PSG2: variants seen among roughly 807,000 people sequenced by gnomAD.
PSG2 encodes the protein pregnancy-specific beta-1-glycoprotein 2.
A neutral mutation model predicts 36.2 loss-of-function variants in PSG2; 49 were observed. The ratio of observed to expected loss-of-function variants is 1.35; its 90% confidence interval spans 1.08 to 1.72. PSG2 has a LOEUF of 1.72. PSG2 is among the 40% of genes most tolerant of loss of function. The pLI, the probability that PSG2 is intolerant of heterozygous loss-of-function variation, is 0.00. For missense variants in PSG2, 605 were observed against 407.2 expected, an observed-to-expected ratio of 1.49 and a Z score of -4.18; for synonymous variants, 261 against 155.6, an observed-to-expected ratio of 1.68 and a Z score of -5.04.
intron 4 of PSG2, among the ~76,000 whole-genome samples, chr19:43,069,853 CAA>C (rs1244780282): frequency 6.6e-6 from 1 of 151,650 alleles, no homozygotes; most frequent in Non-Finnish European, 1.5e-5. Context: ...TCATAAAAAT[CAA>C]AACCTTTTAC....
Position 43,082,682 on chromosome 19 carries a change from C to T in PSG2, c.-113G>A, listed in dbSNP as rs1291098112. ...TCCTCCTTCTGCACTGAGCCTCTTC[C>T]TGGGGCAGCAGCAATTCCCAGGCTC... is the stretch of plus-strand genomic sequence containing the variant. On this transcript the variant is annotated 5_prime_UTR_variant, in exon 1 of 6. Coordinates refer to ENST00000406487, the MANE Select transcript of PSG2 (RefSeq NM_031246.4). 7 of 1,508,664 alleles carry T rather than the reference C, an allele frequency of 4.6e-6. No individual in the cohort carries two copies. The Admixed American group carries it at 7.7e-5, about 17-fold the overall frequency. The allele number at this position is 1,508,664 out of a possible 1,614,324, so 93.5% of individuals were successfully genotyped here. A position where few individuals can be genotyped will look rare whatever the true frequency, so the allele number is the denominator to read the frequency against.
In PSG2 at chr19:43,066,440, G is replaced by T. The variant is rs539414700; in HGVS notation, c.*40+77C>A. The stretch of plus-strand genomic sequence containing the variant: ...GGAGGAGATGCAGTCCCAGATACAG[G>T]CAAATAAGTCTTTTCCCTCTCCCAA... On this transcript the variant is annotated intron_variant, in intron 5 of 5. Coordinates refer to ENST00000406487, the MANE Select transcript of PSG2 (RefSeq NM_031246.4). 866 of 1,075,128 alleles carry T rather than the reference G, an allele frequency of 8.1e-4. 9 individuals carry two copies. Among genetic ancestry groups the T allele is most frequent in the South Asian group, 1.4e-3 (115 of 79,890 alleles). 66.6% of individuals were successfully genotyped at this position (1,075,128 alleles called of 1,614,324 possible). A position where few individuals can be genotyped will look rare whatever the true frequency, so the allele number is the denominator to read the frequency against.
intron 4 of PSG2, among the ~76,000 whole-genome samples, chr19:43,069,320 C>G (rs753417036): frequency 6.6e-6 from 1 of 151,594 alleles, no homozygotes; most frequent in Non-Finnish European, 1.5e-5. Flanking sequence ...CAATTCCTAT[C>G]AATCAGAATC....
chr19:43,082,207 C>G (rs1228003752), intron 1 of PSG2: 2 of 271,750 alleles, frequency 7.4e-6, no homozygotes, highest in East Asian at 1.0e-4. Context: ...GTGGCGCTAT[C>G]TCGGCACGCT....
intron 2 of PSG2, among the ~76,000 whole-genome samples, chr19:43,079,266 G>C (rs751263020): frequency 2.0e-5 from 3 of 151,432 alleles, no homozygotes; most frequent in Admixed American, 1.3e-4. Context: ...GCTGCCCCCA[G>C]TTCCACAGTC....
Position 43,075,634 on chromosome 19 carries a change from T to C in PSG2, c.431-2A>G. 10 of 1,610,576 alleles carry C rather than the reference T, an allele frequency of 6.2e-6. No individual in the cohort carries two copies. Among genetic ancestry groups the C allele is most frequent in the Non-Finnish European group, 7.6e-6 (9 of 1,178,414 alleles). On this transcript the variant is annotated splice_acceptor_variant, in intron 2 of 5. Transcript: ENST00000406487. LOFTEE classifies it high-confidence loss of function. ...AGATGGAGGGCTTGGGAGTCTCCAC[T>C]GTGCAGAAAACAGAGAGAAGATTGC...
At chr19:43,074,743 T>C (rs149989107) in intron 3 of PSG2, among the ~76,000 whole-genome samples, 3,082 of 151,846 alleles carry the variant, frequency 0.02, 137 homozygotes, top group East Asian at 0.095. Flanking sequence ...GTTCCAGCAG[T>C]GGCTGAGTTA....
rs553327315 is a variant in PSG2, at chr19:43,081,270, A to T, written c.65-24T>A. ...TGCTAGGAGGTGGAGAGAGCATCAG[A>T]CAATATTGAGACCTATGTATTGGGG... On this transcript the variant is annotated intron_variant, in intron 1 of 5. Transcript: ENST00000406487. The T allele has an allele frequency of 3.3e-5, 53 of 1,604,652 alleles. 2 individuals are homozygous for T. Among genetic ancestry groups the T allele is most frequent in the African/African-American group, 1.8e-4 (13 of 73,770 alleles).
At chr19:43,081,428 A>ATG (rs1277878015) in intron 1 of PSG2, among the ~76,000 whole-genome samples, 182 bp from the exon 2 acceptor site, 2 of 145,756 alleles carry the variant, frequency 1.4e-5, no homozygotes, top group East Asian at 4.0e-4. Context: ...GTATGTGTGT[A>ATG]TGTGTGTGTG....
At chr19:43,072,765 A>G in intron 3 of PSG2, 1 of 1,482,366 alleles carries the variant, frequency 6.7e-7, no homozygotes, top group Non-Finnish European at 9.1e-7. Context: ...TGTGTGTGTC[A>G]CAAGACAGAT....
rs762614620 is a variant in PSG2 at position 43,075,395 on chromosome 19, C to T, written c.668G>A (p.Gly223Glu). The change falls in exon 3 of 6, where the codon GGG (glycine) becomes GAG (glutamate). Residue 223 changes from glycine (G) to glutamate (E), a missense_variant. Gly to Glu is a moderately conservative substitution (Grantham distance 98). Coordinates refer to ENST00000406487, the MANE Select transcript of PSG2 (RefSeq NM_031246.4). Reference sequence around the variant, plus strand: ...GACTGGGTCACTGCGGCTGGCACTCCCTGAGTTCCGTATTTCACATTCATA... The same window carrying T: ...GACTGGGTCACTGCGGCTGGCACTCTCTGAGTTCCGTATTTCACATTCATA... ...GPYECEIRNSGSASRSDPVTL... is the reference protein window; with the variant it reads ...GPYECEIRNSESASRSDPVTL... The T allele has an allele frequency of 1.9e-6, 3 of 1,612,964 alleles. No homozygotes were observed. Among genetic ancestry groups the T allele is most frequent in the Admixed American group, 1.7e-5 (1 of 59,930 alleles).
At position 43,081,085 on chromosome 19, in the gene PSG2, A is replaced by G; in HGVS notation, c.226T>C (p.Tyr76His). 1 of 1,612,958 alleles carries G rather than the reference A, an allele frequency of 6.2e-7. No individual in the cohort carries two copies. Among genetic ancestry groups the G allele is most frequent in the Non-Finnish European group, 8.5e-7 (1 of 1,179,704 alleles). ...IWYKGQIRDLYHYITSYVVDG... is the reference protein window; with the variant it reads ...IWYKGQIRDLHHYITSYVVDG... ...ACTACATATGATGTAATGTAATGGT[A>G]GAGGTCCCTGATTTGCCCTTTGTAC... Residue 76 changes from tyrosine (Y) to histidine (H), a missense_variant, in exon 2 of 6, where the codon TAC becomes CAC. Coordinates refer to ENST00000406487, the MANE Select transcript of PSG2 (RefSeq NM_031246.4).
intron 4 of PSG2, among the ~76,000 whole-genome samples, chr19:43,069,725 G>T (rs1967790146): frequency 6.6e-6 from 1 of 151,636 alleles, no homozygotes; most frequent in Admixed American, 6.6e-5. Flanking sequence ...AGATCTAAAT[G>T]TAAGAGCAAA....
chr19:43,070,946 T>C (rs1387109528), intron 4 of PSG2, among the ~76,000 whole-genome samples: 2 of 151,684 alleles, frequency 1.3e-5, no homozygotes, highest in Non-Finnish European at 2.9e-5. Flanking sequence ...TTTCTCTAGC[T>C]CTGCATCAGT....
At chr19:43,078,652 G>A (rs1277271738) in intron 2 of PSG2, among the ~76,000 whole-genome samples, 2 of 151,556 alleles carry the variant, frequency 1.3e-5, no homozygotes, top group African/African-American at 4.9e-5. Flanking sequence ...CTGTGCCCCT[G>A]AAACTATCCT....
At chr19:43,071,107 T>C (rs1341161322) in intron 4 of PSG2, among the ~76,000 whole-genome samples, 1 of 151,456 alleles carries the variant, frequency 6.6e-6, no homozygotes, top group East Asian at 1.9e-4. Flanking sequence ...TGGCTTCAAC[T>C]GGCAGCTCCA....
chr19:43,081,290 T>C (rs747614639), intron 1 of PSG2, 44 bp from the exon 2 acceptor site: 2 of 1,582,850 alleles, frequency 1.3e-6, no homozygotes, highest in South Asian at 1.2e-5. Flanking sequence ...GACCTATGTA[T>C]TGGGGTGAAA....
chr19:43,081,365 A>G lies in PSG2; in HGVS notation c.65-119T>C, dbSNP rs1967972425. 2.5e-6 allele frequency: 3 copies of G among 1,183,120 alleles called. No individual in the cohort carries two copies. The African/African-American group carries it at 4.9e-5, about 19-fold the overall frequency. 73.3% of individuals were successfully genotyped at this position (1,183,120 alleles called of 1,614,324 possible). Reference sequence around the variant, plus strand: ...CAGCCTTGAAGACACACACACACACACACACACACACACACACACACACAC... The same window carrying G: ...CAGCCTTGAAGACACACACACACACGCACACACACACACACACACACACAC... On this transcript the variant is annotated intron_variant, in intron 1 of 5. Coordinates refer to ENST00000406487, the MANE Select transcript of PSG2 (RefSeq NM_031246.4).
At position 43,066,547 on chromosome 19, in the gene PSG2, A is replaced by C. The variant is rs1967741601; in HGVS notation, c.*10T>G. On this transcript the variant is annotated 3_prime_UTR_variant, in exon 5 of 6. Coordinates refer to ENST00000406487, the MANE Select transcript of PSG2 (RefSeq NM_031246.4). ...AGTCTTCCTGAAATACAGAAATGAC[A>C]TCACAGCTGCTATGTTGGATTAAGG... 1.9e-6 allele frequency: 3 copies of C among 1,591,424 alleles called. No homozygotes were observed. Among genetic ancestry groups the C allele is most frequent in the Non-Finnish European group, 2.6e-6 (3 of 1,160,092 alleles).
Sources: gnomAD v4.1 joint callset for allele counts (sites outside exome capture counted in the v4.1 genomes callset) on GRCh38, gnomAD v4.1.1 for gene constraint, MANE v1.5 for transcripts, NCBI Gene and HGNC (gene_info 2026-07-23, HGNC 2026-07-21) for gene names.